NUBPL: variants seen among roughly 807,000 people sequenced by gnomAD.
NUBPL encodes the protein iron-sulfur cluster transfer protein NUBPL.
Under a neutral mutation model 45.7 loss-of-function variants are expected in NUBPL, and 31 were observed. That is an observed-to-expected ratio of 0.68 (90% CI 0.51 to 0.92). NUBPL has a LOEUF of 0.92. Among genes scored for constraint, NUBPL ranks in the 40% least tolerant of loss-of-function variants. The pLI, the probability that NUBPL is intolerant of heterozygous loss-of-function variation, is 0.00. For synonymous variants in NUBPL, 144 were observed against 140.9 expected (o/e 1.02, Z -0.15); for missense variants, 401 against 398.7 (o/e 1.01, Z -0.05).
chr14:31,834,921 CT>C (rs1407406404), intron 8 of NUBPL, among the ~76,000 whole-genome samples: 8 of 152,158 alleles, frequency 5.3e-5, no homozygotes, highest in Non-Finnish European at 1.0e-4. Flanking sequence ...AGTTTTAGTA[CT>C]GTGGACATCA....
intron 4 of NUBPL, among the ~76,000 whole-genome samples, chr14:31,628,074 A>C (rs1444029361): frequency 5.3e-5 from 8 of 152,200 alleles, no homozygotes; most frequent in Admixed American, 3.9e-4. Flanking sequence ...TTTTGGCTGA[A>C]GCATATGAAG....
intron 4 of NUBPL, among the ~76,000 whole-genome samples, chr14:31,642,876 T>C (rs966585353): frequency 2.0e-5 from 3 of 152,178 alleles, no homozygotes; most frequent in African/African-American, 4.8e-5. Flanking sequence ...TTTACTTCTT[T>C]GGTGAAATTG....
intron 10 of NUBPL, among the ~76,000 whole-genome samples, chr14:31,851,008 C>CATCAT (rs1430407743): frequency 6.6e-6 from 1 of 152,154 alleles, no homozygotes; most frequent in Non-Finnish European, 1.5e-5. Context: ...CATTAGCCAA[C>CATCAT]ATAGTTGGAG....
At chr14:31,624,612 T>C (rs533958673) in intron 4 of NUBPL, among the ~76,000 whole-genome samples, 18 of 152,210 alleles carry the variant, frequency 1.2e-4, no homozygotes, top group Non-Finnish European at 2.4e-4. Context: ...TTGCCCAGGC[T>C]GGAGTGCAGT....
intron 6 of NUBPL, among the ~76,000 whole-genome samples, chr14:31,691,122 T>C (rs1484176263): frequency 1.3e-5 from 2 of 152,146 alleles, no homozygotes; most frequent in Non-Finnish European, 2.9e-5. Context: ...CCCTAAGTAC[T>C]TCTCATGGGA....
At chr14:31,704,421 T>C (rs1041048041) in intron 6 of NUBPL, among the ~76,000 whole-genome samples, 1 of 152,038 alleles carries the variant, frequency 6.6e-6, no homozygotes, top group Non-Finnish European at 1.5e-5. Flanking sequence ...CCCAGCACAT[T>C]GGGAGGCCAA....
At chr14:31,826,813 C>G in intron 8 of NUBPL, 99 bp downstream of exon 8, 1 of 1,046,024 alleles carries the variant, frequency 9.6e-7, no homozygotes. Flanking sequence ...TAGTCCTGTA[C>G]AGAAGTCTTT....
intron 4 of NUBPL, chr14:31,662,183 A>G (rs2036286042): frequency 6.6e-6 from 1 of 151,982 alleles, no homozygotes; most frequent in African/African-American, 2.4e-5. Context: ...ATGGTGATGA[A>G]TCTGCTCACA....
intron 7 of NUBPL, among the ~76,000 whole-genome samples, chr14:31,791,939 A>G (rs1478283966): frequency 6.6e-6 from 1 of 152,204 alleles, no homozygotes; most frequent in African/African-American, 2.4e-5. Context: ...CTGCCATTGG[A>G]TGACAGTCTT....
At chr14:31,641,977 C>A (rs760016285) in intron 4 of NUBPL, among the ~76,000 whole-genome samples, 1 of 152,060 alleles carries the variant, frequency 6.6e-6, no homozygotes, top group Non-Finnish European at 1.5e-5. Context: ...CTTTGTATGT[C>A]TTCTTTTGAG....
At chr14:31,812,782 A>G (rs2039834584) in intron 7 of NUBPL, among the ~76,000 whole-genome samples, 1 of 152,062 alleles carries the variant, frequency 6.6e-6, no homozygotes, top group South Asian at 2.1e-4. Flanking sequence ...GTTTTATCTT[A>G]ACTTTACTGG....
At chr14:31,771,755 A>C (rs977602862) in intron 6 of NUBPL, 24 of 346,718 alleles carry the variant, frequency 6.9e-5, no homozygotes, top group Non-Finnish European at 9.7e-5. Context: ...ATAGGCTCTC[A>C]ATAACTATTA....
intron 5 of NUBPL, 33 bp from the exon 6 acceptor site, chr14:31,673,451 C>G: frequency 6.2e-7 from 1 of 1,601,302 alleles, no homozygotes. Flanking sequence ...TTAATTTATA[C>G]AAATTAGTTG....
intron 4 of NUBPL, among the ~76,000 whole-genome samples, chr14:31,617,069 CTGTT>C (rs1330310750): frequency 5.3e-5 from 8 of 152,066 alleles, no homozygotes; most frequent in African/African-American, 1.4e-4. Flanking sequence ...ATTTGGCTCT[CTGTT>C]TGTCTGTTAT....
intron 8 of NUBPL, among the ~76,000 whole-genome samples, chr14:31,827,103 C>T (rs1478867757): frequency 6.6e-6 from 1 of 152,156 alleles, no homozygotes; most frequent in Non-Finnish European, 1.5e-5. Flanking sequence ...CAGTTCAACT[C>T]ATTTATAGCT....
intron 4 of NUBPL, among the ~76,000 whole-genome samples, chr14:31,636,093 G>T (rs1437576616): frequency 6.6e-6 from 1 of 151,688 alleles, no homozygotes; most frequent in African/African-American, 2.4e-5. Context: ...TCCTTCTCCT[G>T]CCTAATTGCC....
intron 4 of NUBPL, among the ~76,000 whole-genome samples, chr14:31,630,585 G>T (rs1275049259): frequency 6.6e-6 from 1 of 152,040 alleles, no homozygotes; most frequent in Non-Finnish European, 1.5e-5. Context: ...TTTATCATCT[G>T]CCCCTTTATA....
intron 4 of NUBPL, among the ~76,000 whole-genome samples, chr14:31,614,748 A>G (rs2034851192): frequency 6.6e-6 from 1 of 152,236 alleles, no homozygotes; most frequent in African/African-American, 2.4e-5. Flanking sequence ...ATACTTGGTT[A>G]TATGGTTATC....
chr14:31,666,277 T>TA (rs2036424610), intron 4 of NUBPL, among the ~76,000 whole-genome samples: 1 of 118,396 alleles, frequency 8.4e-6, no homozygotes, highest in African/African-American at 2.7e-5. Context: ...TTATTTTATT[T>TA]TTTTTGAGAC....
Sources: allele counts gnomAD v4.1 joint callset (sites outside exome capture counted in the v4.1 genomes callset), GRCh38; gene constraint gnomAD v4.1.1; transcripts MANE v1.5; gene names NCBI Gene and HGNC (gene_info 2026-07-23, HGNC 2026-07-21).